The following NFKB1 variants were observed in gnomAD, a reference collection of about 807,000 sequenced individuals.
NFKB1 encodes the protein nuclear factor NF-kappa-B p105 subunit.
In NFKB1, 9 loss-of-function variants were observed where a neutral mutation model predicts 105.1. The observed-to-expected ratio is 0.09, with a 90% CI of 0.05 to 0.15. The LOEUF (loss-of-function observed/expected upper bound fraction) is 0.15. Ranked by LOEUF, NFKB1 falls within the 10% of genes least tolerant of loss-of-function variation. NFKB1 has a pLI of 1.00. For synonymous variants in NFKB1, 440 were observed against 442.2 expected, an observed-to-expected ratio of 1.00 and a Z score of 0.06; for missense variants, 830 against 1,203.7, an observed-to-expected ratio of 0.69 and a Z score of 4.59.
At chr4:102,515,107 A>ATTATTTTTT (rs771359850) in intron 1 of NFKB1, among the ~76,000 whole-genome samples, 6 of 95,656 alleles carry the variant, frequency 6.3e-5, no homozygotes, top group East Asian at 3.0e-4. Flanking sequence ...TATTATTATT[A>ATTATTTTTT]TTTTTTTTTT....
rs114259371 is a variant in NFKB1, at chr4:102,553,375, T to C, written c.259-13612T>C. 3.7e-3 allele frequency among the ~76,000 whole-genome samples: 567 copies of C among 152,258 alleles called. 5 individuals are homozygous for C. Among genetic ancestry groups the C allele is most frequent in the African/African-American group, 0.013 (553 of 41,580 alleles). The stretch of plus-strand genomic sequence containing the variant: ...CAGTGATATTCAATCCCAAGTAAAT[T>C]TGGATATCACAGAGTCAGAGATATT... On this transcript the variant is annotated intron_variant, in intron 5 of 23. Transcript: ENST00000226574.
At chr4:102,555,183 A>T (rs1054464074) in intron 5 of NFKB1, among the ~76,000 whole-genome samples, 1 of 152,294 alleles carries the variant, frequency 6.6e-6, no homozygotes, top group Admixed American at 6.5e-5. Context: ...GAACCCTGCC[A>T]AAGGACAGTA....
chr4:102,616,535 A>G lies in NFKB1; in HGVS notation c.2851A>G (p.Thr951Ala), dbSNP rs1192019369. The G allele has an allele frequency of 6.2e-7, 1 of 1,614,058 alleles. No homozygotes were observed. The highest frequency in any genetic ancestry group is 8.5e-7 in the Non-Finnish European group (1 of 1,180,008). The change falls in exon 24 of 24, where the codon ACT (threonine) becomes GCT (alanine). Residue 951 changes from threonine (T) to alanine (A), a missense_variant. Thr to Ala is a moderately conservative substitution (Grantham distance 58). Coordinates refer to ENST00000226574, the MANE Select transcript of NFKB1 (RefSeq NM_003998.4). Reference protein sequence around the residue: ...ESLTSGASLLTLNKMPHDYGQ... With the variant: ...ESLTSGASLLALNKMPHDYGQ... ...TCTGACCAGTGGTGCCTCACTGCTA[A>G]CTCTCAACAAAATGCCCCATGATTA...
chr4:102,513,172 A>G (rs1204730578), intron 1 of NFKB1, among the ~76,000 whole-genome samples: 1 of 152,244 alleles, frequency 6.6e-6, no homozygotes, highest in Non-Finnish European at 1.5e-5. Flanking sequence ...CAGTATGTCA[A>G]GTCCCTTTAT....
At chr4:102,609,634 AG>A (rs1455018603) in intron 19 of NFKB1, among the ~76,000 whole-genome samples, 11 of 148,160 alleles carry the variant, frequency 7.4e-5, no homozygotes, top group Non-Finnish European at 1.5e-5. Flanking sequence ...AAAAAAAAAA[AG>A]CGTCAGTTAA....
chr4:102,596,605 A>G (rs1187591188), intron 14 of NFKB1, among the ~76,000 whole-genome samples: 1 of 152,160 alleles, frequency 6.6e-6, no homozygotes, highest in Non-Finnish European at 1.5e-5. Flanking sequence ...TGTGAGAGAT[A>G]ATCAACTTCT....
chr4:102,537,382 A>G (rs1741711365), intron 4 of NFKB1, among the ~76,000 whole-genome samples: 1 of 152,220 alleles, frequency 6.6e-6, no homozygotes, highest in South Asian at 2.1e-4. Flanking sequence ...GAAACAGTAT[A>G]TCTAAATAAA....
intron 6 of NFKB1, among the ~76,000 whole-genome samples, chr4:102,571,811 G>A (rs958852213): frequency 6.6e-6 from 1 of 152,162 alleles, no homozygotes; most frequent in Admixed American, 6.5e-5. Flanking sequence ...AGTTAGAATG[G>A]CAATCATTAA....
chr4:102,503,499 A>G (rs1486243195), intron 1 of NFKB1: 2 of 152,088 alleles, frequency 1.3e-5, no homozygotes, highest in Admixed American at 1.3e-4. Context: ...AGGTAGTATA[A>G]TCCTTTTAGG....
Position 102,596,169 on chromosome 4 carries a change from TGAAG to T in NFKB1, c.1334_1337del (p.Glu445ValfsTer11). 3 of 1,610,518 alleles carry T rather than the reference TGAAG, an allele frequency of 1.9e-6. No individual in the cohort carries two copies. Among genetic ancestry groups the T allele is most frequent in the Non-Finnish European group, 2.5e-6 (3 of 1,177,588 alleles). On this transcript the variant is annotated frameshift_variant, in exon 14 of 24. Coordinates refer to ENST00000226574, the MANE Select transcript of NFKB1 (RefSeq NM_003998.4). LOFTEE classifies it high-confidence loss of function. ...TGGACACTGAATCTAAAAAGGACCC[TGAAG>T]GTTGTGACAAAAGTGATGACAAAAA...
At chr4:102,506,118 T>G (rs1739400958) in intron 1 of NFKB1, among the ~76,000 whole-genome samples, 1 of 152,200 alleles carries the variant, frequency 6.6e-6, no homozygotes, top group Non-Finnish European at 1.5e-5. Context: ...AAATGCCTTT[T>G]AGTTTCAAAG....
Position 102,607,212 on chromosome 4 carries a change from G to A in NFKB1, c.2017G>A (p.Ala673Thr). 6.2e-7 allele frequency: 1 copy of A among 1,614,208 alleles called. No homozygotes were observed. The highest frequency in any genetic ancestry group is 8.5e-7 in the Non-Finnish European group (1 of 1,180,044). Residue 673 changes from alanine (A) to threonine (T), a missense_variant, in exon 18 of 24, where the codon GCC becomes ACC. By Grantham distance (58) the Ala-to-Thr change is moderately conservative. Coordinates refer to ENST00000226574, the MANE Select transcript of NFKB1 (RefSeq NM_003998.4). ...NSLPCLLLLVAAGADVNAQEQ... is the reference protein window; with the variant it reads ...NSLPCLLLLVTAGADVNAQEQ... Reference sequence around the variant, plus strand: ...CCTGCCATGTTTGCTGCTGCTGGTGGCCGCTGGGGCTGACGTCAATGCTCA... The same window carrying A: ...CCTGCCATGTTTGCTGCTGCTGGTGACCGCTGGGGCTGACGTCAATGCTCA...
At chr4:102,597,740 A>T in intron 15 of NFKB1, 79 bp downstream of exon 15, 1 of 1,450,990 alleles carries the variant, frequency 6.9e-7, no homozygotes, top group Non-Finnish European at 9.3e-7. Flanking sequence ...CTGACTAGAG[A>T]TAAAAATAAT....
chr4:102,584,934 T>C, intron 11 of NFKB1, 114 bp downstream of exon 11: 1 of 968,342 alleles, frequency 1.0e-6, no homozygotes, highest in Non-Finnish European at 1.5e-6. Flanking sequence ...CAGGCTGGAG[T>C]GCAATGGTGC....
chr4:102,564,778 C>T (rs766292839), intron 5 of NFKB1, among the ~76,000 whole-genome samples: 24 of 152,278 alleles, frequency 1.6e-4, no homozygotes, highest in Non-Finnish European at 4.4e-5. Context: ...TTCTGGTGTC[C>T]TATTAAATTG....
intron 4 of NFKB1, among the ~76,000 whole-genome samples, chr4:102,537,288 A>G (rs1043745472): frequency 6.6e-6 from 1 of 152,204 alleles, no homozygotes; most frequent in Non-Finnish European, 1.5e-5. Flanking sequence ...ATTAATAATC[A>G]TAAAAACAAA....
intron 1 of NFKB1, among the ~76,000 whole-genome samples, chr4:102,507,093 A>G (rs967345485): frequency 6.6e-6 from 1 of 150,938 alleles, no homozygotes; most frequent in Non-Finnish European, 1.5e-5. Flanking sequence ...TGTTGTTGCC[A>G]GCAAAATGAG....
chr4:102,607,465 C>T (rs1390712657), intron 18 of NFKB1, 146 bp downstream of exon 18: 1 of 1,116,984 alleles, frequency 9.0e-7, no homozygotes, highest in Non-Finnish European at 1.3e-6. Context: ...AGAGTACCAC[C>T]TTTAGACATT....
At chr4:102,532,810 A>G (rs551623432) in intron 3 of NFKB1, among the ~76,000 whole-genome samples, 1 of 152,276 alleles carries the variant, frequency 6.6e-6, no homozygotes, top group Non-Finnish European at 1.5e-5. Context: ...TTTAGCACCA[A>G]ACATCTTAAT....
Sources: gnomAD v4.1 joint callset for allele counts (sites outside exome capture counted in the v4.1 genomes callset) on GRCh38, gnomAD v4.1.1 for gene constraint, MANE v1.5 for transcripts, NCBI Gene and HGNC (gene_info 2026-07-23, HGNC 2026-07-21) for gene names.